Variants in EHBP1 observed in about 807,000 individuals in gnomAD.
EHBP1 encodes the protein EH domain-binding protein 1.
EHBP1 carries 55 observed loss-of-function variants against 144.0 expected under a neutral mutation model. The ratio of observed to expected loss-of-function variants is 0.38; its 90% CI spans 0.31 to 0.48. The LOEUF is 0.48. Ranked by LOEUF, EHBP1 falls within the 20% of genes least tolerant of loss-of-function variation. The pLI, the probability that EHBP1 is intolerant of heterozygous loss-of-function variation, is 0.98. For synonymous variants in EHBP1, 469 were observed against 472.7 expected, an observed-to-expected ratio of 0.99 and a Z score of 0.10; for missense variants, 1,200 against 1,364.2, an observed-to-expected ratio of 0.88 and a Z score of 1.90.
rs1234429438 is a variant in EHBP1, at chr2:62,993,627, C to G, written c.2831C>G (p.Thr944Ser). The G allele has an allele frequency of 6.2e-7, 1 of 1,609,464 alleles. No homozygotes were observed. The highest frequency in any genetic ancestry group is 8.5e-7 in the Non-Finnish European group (1 of 1,177,294). Reference sequence around the variant, plus strand: ...AGCAAAGATTCTACAGTCAGAAAAACTCAACTTCAGTCTTTCAGCCAATAT... The same window carrying G: ...AGCAAAGATTCTACAGTCAGAAAAAGTCAACTTCAGTCTTTCAGCCAATAT... ...VFSKDSTVRK[T>S]QLQSFSQYIE... The change falls in exon 17 of 23, where the codon ACT (threonine) becomes AGT (serine). Residue 944 changes from threonine to serine, a missense_variant. Thr to Ser is a moderately conservative substitution (Grantham distance 58). Coordinates refer to ENST00000431489, the MANE Select transcript of EHBP1 (RefSeq NM_001142616.3).
In EHBP1 at chr2:62,993,596, G is replaced by T. The variant is rs1383548036; in HGVS notation, c.2800G>T (p.Val934Leu). 1.2e-6 allele frequency: 2 copies of T among 1,610,250 alleles called. No individual in the cohort carries two copies. Among genetic ancestry groups the T allele is most frequent in the Admixed American group, 3.3e-5 (2 of 59,818 alleles). Reference sequence around the variant, plus strand: ...AACAGAACGTTTTAGAAATCCTGTTGTGTTCAGCAAAGATTCTACAGTCAG... The same window carrying T: ...AACAGAACGTTTTAGAAATCCTGTTTTGTTCAGCAAAGATTCTACAGTCAG... ...KTTERFRNPV[V>L]FSKDSTVRKT... Residue 934 changes from valine (V) to leucine (L), a missense_variant, in exon 17 of 23, where the codon GTG (valine) becomes TTG (leucine). Coordinates refer to ENST00000431489, the MANE Select transcript of EHBP1 (RefSeq NM_001142616.3).
At chr2:62,729,530 T>TATATATAATATATATTATATATA (rs1453190905) in intron 2 of EHBP1, among the ~76,000 whole-genome samples, 20 of 118,854 alleles carry the variant, frequency 1.7e-4, no homozygotes, top group Non-Finnish European at 2.3e-4. Context: ...ATAAATATAA[T>TATATATAATATATATTATATATA]ATATATAATA....
rs1380819790 is a variant in EHBP1, at chr2:62,902,180, C to T, written c.1185+27648C>T. Among the ~76,000 whole-genome samples the T allele has an allele frequency of 3.9e-5, 6 of 152,032 alleles. No individual in the cohort carries two copies. In the East Asian group the frequency reaches 1.2e-3, roughly 29 times the overall value. On this transcript the variant is annotated intron_variant, in intron 10 of 22. Coordinates refer to ENST00000431489, the MANE Select transcript of EHBP1 (RefSeq NM_001142616.3). ...GTTCAAGAGTGTGCTTTGCCATTGG[C>T]TTCTCCATTTGTTGAATTCAGGATG...
chr2:62,912,786 T>C (rs554811462), intron 10 of EHBP1, among the ~76,000 whole-genome samples: 1 of 152,240 alleles, frequency 6.6e-6, no homozygotes, highest in Non-Finnish European at 1.5e-5. Context: ...AAATATAGAC[T>C]TCGGAATCAC....
chr2:63,031,859 G>T (rs760797175), intron 19 of EHBP1, among the ~76,000 whole-genome samples: 2 of 152,146 alleles, frequency 1.3e-5, no homozygotes, highest in East Asian at 3.9e-4. Context: ...AACCCTGGAG[G>T]TGGAGGTTGC....
chr2:62,830,038 C>T (rs754237579), intron 6 of EHBP1, among the ~76,000 whole-genome samples: 9 of 150,990 alleles, frequency 6.0e-5, no homozygotes, highest in Non-Finnish European at 1.3e-4. Flanking sequence ...GACACTTGCA[C>T]ATGCAATGTT....
chr2:62,942,937 A>G (rs1228698624), intron 11 of EHBP1, 41 bp downstream of exon 11: 3 of 1,377,688 alleles, frequency 2.2e-6, no homozygotes, highest in Non-Finnish European at 2.9e-6. Flanking sequence ...TTTGTAAGTG[A>G]TAGACATTTT....
chr2:62,908,351 T>C (rs969998746), intron 10 of EHBP1, among the ~76,000 whole-genome samples: 3 of 152,132 alleles, frequency 2.0e-5, no homozygotes, highest in African/African-American at 7.2e-5. Flanking sequence ...TTTTTACCCC[T>C]AATCAGTCTG....
intron 5 of EHBP1, among the ~76,000 whole-genome samples, chr2:62,811,326 G>A (rs1453762161): frequency 6.6e-6 from 1 of 152,194 alleles, no homozygotes. Context: ...AAATTTTATA[G>A]TATTCCATTT....
At chr2:62,968,560 A>G (rs1251763699) in intron 14 of EHBP1, among the ~76,000 whole-genome samples, 2 of 152,126 alleles carry the variant, frequency 1.3e-5, no homozygotes, top group African/African-American at 4.8e-5. Flanking sequence ...CATACTTTTG[A>G]AGGGTTAAGT....
chr2:62,982,946 A>G (rs1214347887), intron 15 of EHBP1, among the ~76,000 whole-genome samples: 1 of 152,202 alleles, frequency 6.6e-6, no homozygotes, highest in African/African-American at 2.4e-5. Context: ...CAGGCAATCA[A>G]GAGACCTATA....
At chr2:62,980,152 G>T (rs574365912) in intron 15 of EHBP1, among the ~76,000 whole-genome samples, 1 of 152,262 alleles carries the variant, frequency 6.6e-6, no homozygotes, top group South Asian at 2.1e-4. Flanking sequence ...TTTGGCACCA[G>T]GAACTGGTTT....
chr2:62,755,654 T>C (rs2040210058), intron 3 of EHBP1, among the ~76,000 whole-genome samples: 2 of 152,130 alleles, frequency 1.3e-5, no homozygotes, highest in South Asian at 4.1e-4. Flanking sequence ...ATGTTTATAG[T>C]TTGAGAGCAT....
chr2:62,883,670 T>G (rs896073706), intron 10 of EHBP1, among the ~76,000 whole-genome samples: 1 of 152,058 alleles, frequency 6.6e-6, no homozygotes, highest in African/African-American at 2.4e-5. Flanking sequence ...ATAATAGTAT[T>G]AATAGACTGC....
chr2:63,032,759 G>GAC (rs1254382728), intron 19 of EHBP1, among the ~76,000 whole-genome samples: 16 of 152,052 alleles, frequency 1.1e-4, no homozygotes, highest in African/African-American at 3.9e-4. Flanking sequence ...GGGTCTGTTA[G>GAC]AAGTCGTGTG....
chr2:62,782,865 CA>C (rs1325234514), intron 5 of EHBP1, among the ~76,000 whole-genome samples: 1 of 152,170 alleles, frequency 6.6e-6, no homozygotes, highest in East Asian at 1.9e-4. Context: ...GCCTTCCCAA[CA>C]GTCCCCCAAA....
intron 8 of EHBP1, among the ~76,000 whole-genome samples, chr2:62,863,881 C>T (rs2049838059): frequency 2.8e-5 from 3 of 106,108 alleles, no homozygotes; most frequent in Non-Finnish European, 5.2e-5. Context: ...GAGTCTCGCT[C>T]TGTTGCCCAG....
intron 10 of EHBP1, among the ~76,000 whole-genome samples, chr2:62,924,357 A>G (rs1027197355): frequency 2.6e-5 from 4 of 152,246 alleles, no homozygotes; most frequent in Admixed American, 6.5e-5. Context: ...TGTAAAAGAA[A>G]TAATAAAGAT....
chr2:62,970,867 T>C (rs551890382), intron 14 of EHBP1, among the ~76,000 whole-genome samples: 1 of 152,312 alleles, frequency 6.6e-6, no homozygotes, highest in Non-Finnish European at 1.5e-5. Context: ...GGGATGCCAC[T>C]GCTGATCACT....
Sources: allele counts gnomAD v4.1 joint callset (sites outside exome capture counted in the v4.1 genomes callset), GRCh38; gene constraint gnomAD v4.1.1; transcripts MANE v1.5; gene names NCBI Gene and HGNC (gene_info 2026-07-23, HGNC 2026-07-21).